The following TANC2 variants were observed in gnomAD, a reference collection of about 807,000 sequenced individuals.
TANC2 encodes tetratricopeptide repeat, ankyrin repeat and coiled-coil containing 2.
Under a neutral mutation model 210.5 loss-of-function variants are expected in TANC2, and 26 were observed. The ratio of observed to expected loss-of-function variants is 0.12; its 90% CI spans 0.09 to 0.17. The LOEUF is 0.17. TANC2 is among the 10% of genes least tolerant of loss of function. The probability of loss-of-function intolerance (pLI) is 1.00; values close to 1 mark genes in which losing one functional copy is unlikely to be tolerated. For missense variants in TANC2, 2,129 were observed against 2,608.9 expected (o/e 0.82, Z 4.01); for synonymous variants, 931 against 967.1 (o/e 0.96, Z 0.69).
chr17:63,335,752 A>G (rs1345408292), intron 11 of TANC2, among the ~76,000 whole-genome samples: 1 of 152,138 alleles, frequency 6.6e-6, no homozygotes, highest in Non-Finnish European at 1.5e-5. Context: ...CATAGTGGAA[A>G]AACTGTAAAA....
intron 6 of TANC2, among the ~76,000 whole-genome samples, chr17:63,195,891 CT>C (rs2041330597): frequency 1.3e-5 from 2 of 152,156 alleles, no homozygotes; most frequent in Non-Finnish European, 2.9e-5. Context: ...CTTCCTACCC[CT>C]CTCCCTTTCA....
chr17:63,346,398 A>G (rs986686988), intron 12 of TANC2, among the ~76,000 whole-genome samples: 1 of 152,244 alleles, frequency 6.6e-6, no homozygotes, highest in Non-Finnish European at 1.5e-5. Context: ...TGTATCTACG[A>G]TACATGTAGA....
At chr17:63,415,311 A>G (rs2048824553) in intron 25 of TANC2, among the ~76,000 whole-genome samples, 1 of 152,206 alleles carries the variant, frequency 6.6e-6, no homozygotes, top group African/African-American at 2.4e-5. Flanking sequence ...TATCTTGGGT[A>G]TCCCCTCAAC....
At chr17:63,049,029 A>G (rs77337706) in intron 2 of TANC2, among the ~76,000 whole-genome samples, 11,280 of 152,174 alleles carry the variant, frequency 0.074, 590 homozygotes, top group African/African-American at 0.15. Context: ...CCAACCCTCC[A>G]TCTTCTGTTC....
chr17:63,093,198 G>A (rs1035867393), intron 3 of TANC2, among the ~76,000 whole-genome samples: 3 of 150,758 alleles, frequency 2.0e-5, no homozygotes, highest in Non-Finnish European at 4.4e-5. Context: ...CTTCTAAAAT[G>A]TTTATAATTT....
chr17:63,269,866 T>G (rs2043644554), intron 9 of TANC2, among the ~76,000 whole-genome samples: 1 of 152,198 alleles, frequency 6.6e-6, no homozygotes, highest in Non-Finnish European at 1.5e-5. Context: ...AAAGCTCACC[T>G]AAATCTTTAG....
At chr17:62,998,120 A>G (rs963838253) in intron 1 of TANC2, among the ~76,000 whole-genome samples, 1 of 152,202 alleles carries the variant, frequency 6.6e-6, no homozygotes, top group Non-Finnish European at 1.5e-5. Context: ...TAATTTCATA[A>G]TACAATTGCA....
intron 11 of TANC2, among the ~76,000 whole-genome samples, chr17:63,326,647 T>G (rs2045657400): frequency 6.6e-6 from 1 of 152,030 alleles, no homozygotes; most frequent in Non-Finnish European, 1.5e-5. Flanking sequence ...GAAGGATTGC[T>G]TGAGCCCAAG....
chr17:63,284,857 G>T (rs889538461), intron 9 of TANC2, among the ~76,000 whole-genome samples: 1 of 151,984 alleles, frequency 6.6e-6, no homozygotes, highest in African/African-American at 2.4e-5. Context: ...AATGGATTTT[G>T]TGGATTTCTG....
chr17:63,166,434 G>A (rs941577993), intron 5 of TANC2, among the ~76,000 whole-genome samples: 5 of 152,184 alleles, frequency 3.3e-5, no homozygotes, highest in Non-Finnish European at 5.9e-5. Context: ...TTTTTAGGAA[G>A]CATATAAAGG....
chr17:63,109,326 G>A (rs1000739118), intron 4 of TANC2, among the ~76,000 whole-genome samples: 3 of 151,566 alleles, frequency 2.0e-5, no homozygotes, highest in African/African-American at 4.9e-5. Flanking sequence ...ATGAAAAAGA[G>A]GGAGTGAGAA....
chr17:62,970,997 T>G (rs574068924), intron 1 of TANC2, among the ~76,000 whole-genome samples: 2 of 151,996 alleles, frequency 1.3e-5, no homozygotes, highest in Non-Finnish European at 2.9e-5. Flanking sequence ...TTATATTTGC[T>G]TAATGTGCCT....
chr17:63,018,493 T>A (rs12601321), intron 2 of TANC2, among the ~76,000 whole-genome samples: 40,886 of 141,608 alleles, frequency 0.29, 7,348 homozygotes, highest in East Asian at 0.79. Context: ...AAAAAAAAAA[T>A]AAATAAATAA....
chr17:63,248,260 A>G (rs1223167088), intron 8 of TANC2, among the ~76,000 whole-genome samples: 1 of 152,082 alleles, frequency 6.6e-6, no homozygotes, highest in Non-Finnish European at 1.5e-5. Context: ...TCCGATGCTA[A>G]ATCTCTGGTG....
chr17:63,068,174 A>G (rs1338651413), intron 2 of TANC2, among the ~76,000 whole-genome samples: 1 of 152,188 alleles, frequency 6.6e-6, no homozygotes, highest in African/African-American at 2.4e-5. Context: ...GGCAGAGGAT[A>G]TAAACAAGAA....
At chr17:63,208,282 G>A (rs778091047) in intron 7 of TANC2, among the ~76,000 whole-genome samples, 34 of 152,110 alleles carry the variant, frequency 2.2e-4, no homozygotes, top group African/African-American at 7.5e-4. Context: ...TACCATGTTC[G>A]CATGCAGTGT....
intron 4 of TANC2, among the ~76,000 whole-genome samples, chr17:63,110,663 G>GA (rs1465407926): frequency 3.3e-5 from 5 of 152,164 alleles, no homozygotes; most frequent in Non-Finnish European, 5.9e-5. Flanking sequence ...TAGCCTCTTT[G>GA]ATAAGGTCTT....
chr17:63,076,515 A>G (rs1357209297), intron 3 of TANC2, among the ~76,000 whole-genome samples: 1 of 152,204 alleles, frequency 6.6e-6, no homozygotes, highest in Admixed American at 6.5e-5. Flanking sequence ...AGCTCACTCC[A>G]TGTATCAAAG....
chr17:63,106,769 T>G (rs1288333601), intron 4 of TANC2, among the ~76,000 whole-genome samples: 1 of 151,802 alleles, frequency 6.6e-6, no homozygotes, highest in Non-Finnish European at 1.5e-5. Context: ...CCTTCTCTTT[T>G]TATATTTAAC....
Sources: gnomAD v4.1 joint callset for allele counts (sites outside exome capture counted in the v4.1 genomes callset) on GRCh38, gnomAD v4.1.1 for gene constraint, MANE v1.5 for transcripts, NCBI Gene and HGNC (gene_info 2026-07-23, HGNC 2026-07-21) for gene names.